The following CLPTM1 variants were observed in gnomAD, a reference collection of about 807,000 sequenced individuals.
CLPTM1 encodes the protein putative lipid scramblase CLPTM1.
A neutral mutation model predicts 77.3 loss-of-function variants in CLPTM1; 21 were observed. The ratio of observed to expected loss-of-function variants is 0.27; its 90% CI spans 0.19 to 0.39. The LOEUF (loss-of-function observed/expected upper bound fraction) is 0.39, where lower values mean the gene tolerates loss of function less well. CLPTM1 is among the 10% of genes least tolerant of loss of function. The pLI is 1.00. For missense variants in CLPTM1, 642 were observed against 921.2 expected, an observed-to-expected ratio of 0.70 and a Z score of 3.92; for synonymous variants, 373 against 381.0, an observed-to-expected ratio of 0.98 and a Z score of 0.24.
Position 44,991,995 on chromosome 19 carries a change from G to T in CLPTM1, c.1556-238G>T, listed in dbSNP as rs1253922215. 1.3e-5 allele frequency among the ~76,000 whole-genome samples: 2 copies of T among 152,132 alleles called. No homozygotes were observed. Among genetic ancestry groups the T allele is most frequent in the Admixed American group, 6.6e-5 (1 of 15,260 alleles). The stretch of plus-strand genomic sequence containing the variant: ...GATGCACATTAATAGGGGTCCGGGG[G>T]CCCCTCTGAGGACAGGACATTTAAA... On this transcript the variant is annotated intron_variant, in intron 12 of 13. Transcript: ENST00000337392. The surrounding 1 kb of genome is among the most constrained non-coding windows in gnomAD (Gnocchi z 5.4).
At chr19:44,970,954 C>CTG (rs1970708604) in intron 2 of CLPTM1, among the ~76,000 whole-genome samples, 1 of 145,976 alleles carries the variant, frequency 6.9e-6, no homozygotes, top group Non-Finnish European at 1.5e-5. Flanking sequence ...CCCCAGCTTC[C>CTG]CGAATAGCTG....
At chr19:44,962,127 A>G in intron 2 of CLPTM1, 52 bp downstream of exon 2, 1 of 1,157,042 alleles carries the variant, frequency 8.6e-7, no homozygotes, top group Non-Finnish European at 1.2e-6. Flanking sequence ...AATAAAAATA[A>G]GGAAGAAAGG....
upstream of CLPTM1, chr19:44,954,905 C>T: frequency 1.4e-6 from 2 of 1,402,102 alleles, no homozygotes; most frequent in South Asian, 1.3e-5. Context: ...GGGTGCTGGG[C>T]AAAAGGCTAG....
intron 3 of CLPTM1, among the ~76,000 whole-genome samples, chr19:44,974,059 C>T (rs1272652968): frequency 2.6e-5 from 4 of 152,064 alleles, no homozygotes; most frequent in Non-Finnish European, 4.4e-5. Context: ...CCACCGTGCC[C>T]GGTGGCTCAC....
intron 2 of CLPTM1, among the ~76,000 whole-genome samples, chr19:44,964,531 TAACTC>T (rs142534985): frequency 0.28 from 42,804 of 151,002 alleles, 6,292 homozygotes; most frequent in East Asian, 0.47. Context: ...GGCTGGTCTC[TAACTC>T]CTGACCTCAG....
In CLPTM1 at chr19:44,991,330, C is replaced by T. The variant is rs370993405; in HGVS notation, c.1512C>T (p.Tyr504=). 6.2e-7 allele frequency: 1 copy of T among 1,613,944 alleles called. No individual in the cohort carries two copies. The highest frequency in any genetic ancestry group is 8.5e-7 in the Non-Finnish European group (1 of 1,179,968). ...TGTACCTGGAGCACAAGGGCTGGTACTCCTGGGTGCTCAGCATGCTCTACG... is the reference window on the plus strand; with the variant it reads ...TGTACCTGGAGCACAAGGGCTGGTATTCCTGGGTGCTCAGCATGCTCTACG... ...SLLYLEHKGW[Y]SWVLSMLYGF... The change falls in exon 12 of 14, where the codon TAC becomes TAT. Residue 504 remains tyrosine, a synonymous_variant. Coordinates refer to ENST00000337392, the MANE Select transcript of CLPTM1 (RefSeq NM_001294.4). The surrounding 1 kb of genome is among the most constrained non-coding windows in gnomAD (Gnocchi z 5.4).
In CLPTM1 at chr19:44,955,446, C is replaced by A. The variant is rs775993718; in HGVS notation, c.51C>A (p.Ala17=). 82 of 1,287,094 alleles carry A rather than the reference C, an allele frequency of 6.4e-5. No homozygotes were observed. The highest frequency in any genetic ancestry group is 8.0e-5 in the Non-Finnish European group (81 of 1,015,474). 79.7% of individuals were successfully genotyped at this position (1,287,094 alleles called of 1,614,324 possible). A position where few individuals can be genotyped will look rare whatever the true frequency, so the allele number is the denominator to read the frequency against. ...GGGCCCGCAGCGCCGTGGTGGCGGC[C>A]GGGGGAGGCAGCTCCGGTCAGGTAC... ...ADGARSAVVA[A]GGGSSGQVTS... is the part of the protein sequence containing the mutation. The change falls in exon 1 of 14, where the codon GCC becomes GCA. Residue 17 remains alanine, a synonymous_variant. Transcript: ENST00000337392.
chr19:44,983,060 C>CA (rs36001989), intron 5 of CLPTM1, among the ~76,000 whole-genome samples: 16,599 of 111,648 alleles, frequency 0.15, 1,048 homozygotes, highest in South Asian at 0.25. Flanking sequence ...GACTCCATCT[C>CA]AAAAAAAAAA....
chr19:44,982,205 C>A (rs55762617), intron 5 of CLPTM1, among the ~76,000 whole-genome samples: 43,099 of 151,348 alleles, frequency 0.28, 6,381 homozygotes, highest in East Asian at 0.47. Flanking sequence ...AAAAATTAGG[C>A]GGGCATGGTG....
chr19:44,974,657 T>C (rs112065551), intron 4 of CLPTM1, 60 bp downstream of exon 4: 1 of 1,561,232 alleles, frequency 6.4e-7, no homozygotes, highest in Non-Finnish European at 8.7e-7. Flanking sequence ...AAGGACCTTT[T>C]CCTCCAGTCC....
intron 2 of CLPTM1, among the ~76,000 whole-genome samples, chr19:44,965,637 C>T (rs949012335): frequency 6.6e-6 from 1 of 151,774 alleles, no homozygotes. Flanking sequence ...CACAGTGAAA[C>T]GCCGTCTCTA....
At chr19:44,988,898 G>T (rs1971024945) in intron 9 of CLPTM1, among the ~76,000 whole-genome samples, 2 of 152,222 alleles carry the variant, frequency 1.3e-5, no homozygotes, top group Admixed American at 6.5e-5. Context: ...AGATGCTATT[G>T]CCGGCCTGGT....
At chr19:44,964,282 A>ATGTTTTCAT (rs1970591158) in intron 2 of CLPTM1, among the ~76,000 whole-genome samples, 1 of 80,948 alleles carries the variant, frequency 1.2e-5, no homozygotes, top group African/African-American at 4.4e-5. Flanking sequence ...ATTTTAACCT[A>ATGTTTTCAT]TGTTTTCATT....
intron 1 of CLPTM1, among the ~76,000 whole-genome samples, chr19:44,957,054 C>T (rs1351905789): frequency 6.6e-6 from 1 of 152,178 alleles, no homozygotes; most frequent in East Asian, 1.9e-4. Flanking sequence ...TTGTGACAAC[C>T]ATATATGTCT....
chr19:44,968,026 G>A (rs959652148), intron 2 of CLPTM1, among the ~76,000 whole-genome samples: 4 of 152,054 alleles, frequency 2.6e-5, no homozygotes, highest in South Asian at 2.1e-4. Flanking sequence ...GAGGTAGCCT[G>A]TTTTACACAC....
chr19:44,972,503 C>A (rs1371645768), intron 2 of CLPTM1, among the ~76,000 whole-genome samples: 1 of 152,158 alleles, frequency 6.6e-6, no homozygotes, highest in Non-Finnish European at 1.5e-5. Flanking sequence ...CCCGCCTTGG[C>A]CTCCCAAAGT....
intron 7 of CLPTM1, chr19:44,986,931 C>T: frequency 1.8e-6 from 1 of 562,652 alleles, no homozygotes; most frequent in East Asian, 3.0e-5. Flanking sequence ...CATGGTCACC[C>T]ACAGGGCAGC....
chr19:44,973,222 G>C lies in CLPTM1; in HGVS notation c.309+12G>C, dbSNP rs769197952. On this transcript the variant is annotated intron_variant, in intron 3 of 13. Transcript: ENST00000337392. ...AAGACACTTTAATGGTAACTGCCGG[G>C]TGGTAGGGCAGACTTGGGAGGTGAT... The C allele has an allele frequency of 9.9e-6, 16 of 1,613,828 alleles. No individual in the cohort carries two copies. The African/African-American group carries it at 2.0e-4, about 20-fold the overall frequency.
chr19:44,971,323 A>T (rs1970714017), intron 2 of CLPTM1, among the ~76,000 whole-genome samples: 1 of 150,026 alleles, frequency 6.7e-6, no homozygotes, highest in Non-Finnish European at 1.5e-5. Flanking sequence ...CAATATGTAT[A>T]ATTACAAATA....
Sources: gnomAD v4.1 joint callset for allele counts (sites outside exome capture counted in the v4.1 genomes callset) on GRCh38, gnomAD v4.1.1 for gene constraint, Gnocchi (gnomAD v3.1) non-coding constraint, MANE v1.5 for transcripts, NCBI Gene and HGNC (gene_info 2026-07-23, HGNC 2026-07-21) for gene names.